Variants in APPBP2 observed in about 807,000 individuals in gnomAD.
APPBP2 encodes the protein amyloid beta precursor protein binding protein 2, also known as amyloid protein-binding protein 2.
APPBP2 carries 15 observed loss-of-function variants against 76.0 expected under a neutral mutation model. The ratio of observed to expected loss-of-function variants is 0.20; its 90% CI spans 0.13 to 0.30. The LOEUF is 0.30. APPBP2 is among the 10% of genes least tolerant of loss of function. The pLI is 1.00. For missense variants in APPBP2, 401 were observed against 687.2 expected, an observed-to-expected ratio of 0.58 and a Z score of 4.66; for synonymous variants, 222 against 242.2, an observed-to-expected ratio of 0.92 and a Z score of 0.77.
At position 60,454,387 on chromosome 17, in the gene APPBP2, T is replaced by A. The variant is rs773662982; in HGVS notation, c.1253A>T (p.Lys418Ile). Residue 418 changes from lysine (K) to isoleucine (I), a missense_variant, in exon 11 of 13, where the codon AAA (lysine) becomes ATA (isoleucine). Coordinates refer to ENST00000083182, the MANE Select transcript of APPBP2 (RefSeq NM_006380.5). Reference sequence around the variant, plus strand: ...TACATTAAATTCCCCAAAAGCTTTTTTAGCTAGTTGGAGTGAAGACAGGTG... The same window carrying A: ...TACATTAAATTCCCCAAAAGCTTTTATAGCTAGTTGGAGTGAAGACAGGTG... ...DLHLSSLQLA[K>I]KAFGEFNVQT... 6.2e-7 allele frequency: 1 copy of A among 1,612,868 alleles called. No individual in the cohort carries two copies. Among genetic ancestry groups the A allele is most frequent in the Non-Finnish European group, 8.5e-7 (1 of 1,179,368 alleles).
chr17:60,477,671 C>G (rs187340976), intron 4 of APPBP2, among the ~76,000 whole-genome samples: 30 of 152,064 alleles, frequency 2.0e-4, no homozygotes, highest in African/African-American at 7.2e-4. Context: ...TTATCACCTT[C>G]TAAAATATTA....
At chr17:60,498,566 T>A (rs370778290) in intron 2 of APPBP2, among the ~76,000 whole-genome samples, 15 of 152,216 alleles carry the variant, frequency 9.9e-5, no homozygotes, top group African/African-American at 3.4e-4. Context: ...AATACTGTAT[T>A]CACATAATAA....
intron 6 of APPBP2, 40 bp from the exon 7 acceptor site, chr17:60,462,101 C>T: frequency 6.8e-7 from 1 of 1,463,642 alleles, no homozygotes; most frequent in Non-Finnish European, 9.6e-7. Context: ...TCAAACAGTT[C>T]ATTAGTGTGC....
chr17:60,525,681 G>T (rs1373829803), intron 1 of APPBP2, 113 bp downstream of exon 1: 3 of 1,502,642 alleles, frequency 2.0e-6, no homozygotes, highest in South Asian at 1.3e-5. Flanking sequence ...CGTTTCGGGA[G>T]GCAAGTCTGC....
At chr17:60,493,365 A>G (rs1385279562) in intron 3 of APPBP2, among the ~76,000 whole-genome samples, 1 of 152,238 alleles carries the variant, frequency 6.6e-6, no homozygotes. Flanking sequence ...AACTTTAATA[A>G]GAAATTGCCT....
chr17:60,517,393 A>G (rs900247233), intron 1 of APPBP2, among the ~76,000 whole-genome samples: 1 of 152,188 alleles, frequency 6.6e-6, no homozygotes, highest in African/African-American at 2.4e-5. Context: ...TTGCTTAATG[A>G]TATCTTTTGA....
chr17:60,467,148 ATATTTATT>A (rs149578440), intron 4 of APPBP2, among the ~76,000 whole-genome samples: 2 of 151,880 alleles, frequency 1.3e-5, no homozygotes, highest in African/African-American at 4.8e-5. Context: ...GACTGGACAA[ATATTTATT>A]TATTTATTTA....
At chr17:60,492,356 G>C (rs1436267857) in intron 3 of APPBP2, among the ~76,000 whole-genome samples, 3 of 152,228 alleles carry the variant, frequency 2.0e-5, no homozygotes, top group African/African-American at 4.8e-5. Flanking sequence ...GCCTAGTGGA[G>C]CTATGAGAAG....
chr17:60,458,203 G>T (rs984006438), intron 9 of APPBP2, among the ~76,000 whole-genome samples: 2 of 152,256 alleles, frequency 1.3e-5, no homozygotes, highest in South Asian at 2.1e-4. Context: ...GGAGGCCAAG[G>T]GGGGCAGATC....
chr17:60,462,345 T>G, intron 6 of APPBP2: 1 of 285,776 alleles, frequency 3.5e-6, no homozygotes. Context: ...TATACCCCCA[T>G]TTTCCGCTAT....
At chr17:60,496,531 C>T (rs2090776755) in intron 2 of APPBP2, 1 of 152,120 alleles carries the variant, frequency 6.6e-6, no homozygotes, top group South Asian at 2.1e-4. Context: ...AAAAGCTATC[C>T]TTTCTTTAGA....
At chr17:60,510,267 G>A (rs975246217) in intron 1 of APPBP2, among the ~76,000 whole-genome samples, 1 of 152,036 alleles carries the variant, frequency 6.6e-6, no homozygotes, top group African/African-American at 2.4e-5. Context: ...GCCAGACGTG[G>A]TAGTACATAT....
At chr17:60,508,077 A>G (rs1389145245) in intron 1 of APPBP2, among the ~76,000 whole-genome samples, 1 of 151,620 alleles carries the variant, frequency 6.6e-6, no homozygotes. Context: ...GGCTCAAGCG[A>G]TTCTCCAGCC....
chr17:60,457,162 A>G (rs904094890), intron 9 of APPBP2, among the ~76,000 whole-genome samples: 2 of 151,642 alleles, frequency 1.3e-5, no homozygotes, highest in Non-Finnish European at 2.9e-5. Flanking sequence ...TCACTCTCTC[A>G]ACTCAGCCTA....
intron 4 of APPBP2, among the ~76,000 whole-genome samples, chr17:60,472,082 T>C (rs769537078): frequency 5.3e-5 from 8 of 152,120 alleles, no homozygotes; most frequent in Non-Finnish European, 1.2e-4. Flanking sequence ...GCCAAGATGG[T>C]GCCACTGCAC....
At chr17:60,525,719 G>C (rs1567946582) in intron 1 of APPBP2, 75 bp downstream of exon 1, 1 of 1,598,258 alleles carries the variant, frequency 6.3e-7, no homozygotes, top group Admixed American at 1.7e-5. Context: ...TAACTGCGGG[G>C]GTTCGCAGAC....
At position 60,525,832 on chromosome 17, in the gene APPBP2, A is replaced by G. The variant is rs1327385986; in HGVS notation, c.100T>C (p.Ser34Pro). ...NYIRSRRDIR[S>P]LPENIQFDVY... ...TCAAACTGGATGTTCTCGGGCAAGG[A>G]GCGGATGTCTCGGCGGGAGCGGATG... The change falls in exon 1 of 13, where the codon TCC becomes CCC. Residue 34 changes from serine (S) to proline (P), a missense_variant. Ser to Pro is a moderately conservative substitution (Grantham distance 74, BLOSUM62 -1). Coordinates refer to ENST00000083182, the MANE Select transcript of APPBP2 (RefSeq NM_006380.5). 2 of 1,613,028 alleles carry G rather than the reference A, an allele frequency of 1.2e-6. No homozygotes were observed. The highest frequency in any genetic ancestry group is 1.7e-6 in the Non-Finnish European group (2 of 1,179,808).
chr17:60,493,056 T>C (rs530488969), intron 3 of APPBP2, among the ~76,000 whole-genome samples: 1 of 152,202 alleles, frequency 6.6e-6, no homozygotes, highest in African/African-American at 2.4e-5. Context: ...ATAAGTCTCA[T>C]GAGAGCTGAT....
chr17:60,458,294 T>C (rs7208217), intron 9 of APPBP2, among the ~76,000 whole-genome samples: 12,464 of 151,816 alleles, frequency 0.082, 1,700 homozygotes, highest in African/African-American at 0.28. Context: ...ATTAGCCAGG[T>C]GTGGTGGCGT....
Sources: allele counts gnomAD v4.1 joint callset (sites outside exome capture counted in the v4.1 genomes callset), GRCh38; gene constraint gnomAD v4.1.1; transcripts MANE v1.5; gene names NCBI Gene and HGNC (gene_info 2026-07-23, HGNC 2026-07-21).